Variants in CHST11 observed in about 807,000 individuals in gnomAD.
CHST11 encodes the protein carbohydrate sulfotransferase 11.
In CHST11, 9 loss-of-function variants were observed where a neutral mutation model predicts 30.4. The observed-to-expected ratio is 0.30, with a 90% CI of 0.18 to 0.52. CHST11 has a LOEUF of 0.52. CHST11 is among the 20% of genes least tolerant of loss of function. The pLI, the probability that CHST11 is intolerant of heterozygous loss-of-function variation, is 0.97. For missense variants in CHST11, 348 were observed against 460.6 expected, an observed-to-expected ratio of 0.76 and a Z score of 2.24; for synonymous variants, 152 against 187.8, an observed-to-expected ratio of 0.81 and a Z score of 1.56.
chr12:104,757,829 A>G lies in CHST11; in HGVS notation c.*26A>G, dbSNP rs1303343515. 21 of 1,562,486 alleles carry G rather than the reference A, an allele frequency of 1.3e-5. No individual in the cohort carries two copies. Among genetic ancestry groups the G allele is most frequent in the Non-Finnish European group, 1.5e-5 (17 of 1,156,320 alleles). ...AGGGGGTGGGGAGAGGGAGAGAATC[A>G]TGCTTTTTAATTTAAGATTTTTATT... On this transcript the variant is annotated 3_prime_UTR_variant, in exon 3 of 3. Transcript: ENST00000303694. The surrounding 1 kb of genome is among the most constrained non-coding windows in gnomAD (Gnocchi z 6.5).
chr12:104,738,308 G>T (rs535635599), intron 2 of CHST11, among the ~76,000 whole-genome samples: 1 of 152,174 alleles, frequency 6.6e-6, no homozygotes, highest in East Asian at 1.9e-4. Flanking sequence ...TCGCCTCAAG[G>T]CTGCACTCCC....
At chr12:104,744,163 T>C (rs181081836) in intron 2 of CHST11, among the ~76,000 whole-genome samples, 7 of 152,354 alleles carry the variant, frequency 4.6e-5, no homozygotes, top group Admixed American at 4.6e-4. Context: ...TGTCTTTAGG[T>C]CTTTGAGGAA....
chr12:104,509,152 G>A (rs1264154659), intron 1 of CHST11, among the ~76,000 whole-genome samples: 1 of 152,184 alleles, frequency 6.6e-6, no homozygotes, highest in African/African-American at 2.4e-5. Context: ...GGTCTTTCCT[G>A]TGCTGTTCTT....
chr12:104,523,788 TA>T (rs1405928633), intron 1 of CHST11, among the ~76,000 whole-genome samples: 2 of 152,240 alleles, frequency 1.3e-5, no homozygotes, highest in Non-Finnish European at 2.9e-5. Flanking sequence ...CTCTCTGTGT[TA>T]AACATGGAAA....
chr12:104,514,418 C>A, intron 1 of CHST11: 1 of 914,048 alleles, frequency 1.1e-6, no homozygotes, highest in Admixed American at 1.7e-5. Flanking sequence ...TGGTTGCCTT[C>A]CTCATCCTCT....
At chr12:104,754,769 A>G (rs2040461214) in intron 2 of CHST11, among the ~76,000 whole-genome samples, 1 of 152,194 alleles carries the variant, frequency 6.6e-6, no homozygotes, top group African/African-American at 2.4e-5. Flanking sequence ...GCAGTGAGAG[A>G]ATCACCATAC....
rs536046841 is a variant in CHST11, at chr12:104,580,239, A to G, written c.119-21667A>G. Among the ~76,000 whole-genome samples the G allele has an allele frequency of 1.5e-3, 235 of 152,266 alleles. 1 individual carries two copies. The highest frequency in any genetic ancestry group is 5.5e-3 in the African/African-American group (228 of 41,560). ...AAGGAAGATTTCAGGCTTGAGCTGG[A>G]GTACGAAAGGAAATTGAAACTAAAG... is the stretch of plus-strand genomic sequence containing the variant. On this transcript the variant is annotated intron_variant, in intron 1 of 2. Coordinates refer to ENST00000303694, the MANE Select transcript of CHST11 (RefSeq NM_018413.6).
At chr12:104,596,565 T>C (rs2038908630) in intron 1 of CHST11, among the ~76,000 whole-genome samples, 1 of 105,104 alleles carries the variant, frequency 9.5e-6, no homozygotes, top group Non-Finnish European at 1.9e-5. Context: ...CAGACGTGGG[T>C]TGTCAATTTG....
chr12:104,680,630 C>T (rs1592835425), intron 2 of CHST11, among the ~76,000 whole-genome samples: 2 of 152,352 alleles, frequency 1.3e-5, no homozygotes, highest in East Asian at 1.9e-4. Flanking sequence ...AGCTCCTGCA[C>T]CTGCTCCATG....
At chr12:104,588,798 C>T (rs2038830114) in intron 1 of CHST11, 1 of 152,350 alleles carries the variant, frequency 6.6e-6, no homozygotes, top group African/African-American at 2.4e-5. Context: ...GGGTGTTGCT[C>T]CACGTCCCAG....
chr12:104,592,619 C>T (rs1023136159), intron 1 of CHST11, among the ~76,000 whole-genome samples: 1 of 152,198 alleles, frequency 6.6e-6, no homozygotes, highest in Non-Finnish European at 1.5e-5. Context: ...GATTATAGCA[C>T]TTTGCGTCCT....
intron 2 of CHST11, among the ~76,000 whole-genome samples, chr12:104,685,022 T>G (rs1383399078): frequency 1.3e-5 from 2 of 152,390 alleles, no homozygotes; most frequent in African/African-American, 2.4e-5. Context: ...TTGGCATTCC[T>G]CCAACAAACT....
At chr12:104,612,073 T>G (rs928205754) in intron 2 of CHST11, among the ~76,000 whole-genome samples, 17 of 152,368 alleles carry the variant, frequency 1.1e-4, no homozygotes, top group African/African-American at 4.1e-4. Flanking sequence ...TTCTGTAGTG[T>G]GCGGCACGCA....
intron 2 of CHST11, 74 bp downstream of exon 2, chr12:104,602,065 G>A (rs1374898172): frequency 1.8e-6 from 2 of 1,113,330 alleles, no homozygotes; most frequent in East Asian, 2.4e-5. Context: ...CTCTAAAATT[G>A]TGGTCTTTGG....
At chr12:104,496,548 A>G (rs1429918044) in intron 1 of CHST11, among the ~76,000 whole-genome samples, 1 of 152,220 alleles carries the variant, frequency 6.6e-6, no homozygotes, top group Non-Finnish European at 1.5e-5. Context: ...TGGGGGACCA[A>G]TTCCACACTC....
At chr12:104,665,597 C>A (rs573320709) in intron 2 of CHST11, among the ~76,000 whole-genome samples, 62 of 152,108 alleles carry the variant, frequency 4.1e-4, no homozygotes, top group African/African-American at 1.3e-3. Context: ...AAGTGCTTTG[C>A]ACAGCATCGG....
chr12:104,519,071 G>GGTGTGTGT (rs10628757), intron 1 of CHST11, among the ~76,000 whole-genome samples: 3,700 of 139,592 alleles, frequency 0.027, 128 homozygotes, highest in African/African-American at 0.072. Flanking sequence ...GGACTCTTGA[G>GGTGTGTGT]GTGTGTGTGT....
Position 104,702,667 on chromosome 12 carries a change from C to G in CHST11, c.205-54282C>G, listed in dbSNP as rs567633032. 1.8e-4 allele frequency among the ~76,000 whole-genome samples: 27 copies of G among 152,278 alleles called. 1 individual carries two copies. In the South Asian group the frequency reaches 5.6e-3, roughly 32 times the overall value. The stretch of plus-strand genomic sequence containing the variant: ...ACTCCCCCGCACTGGGGCAAATCAT[C>G]TCTCCCTCCCCATTCTCTCAGCTCC... On this transcript the variant is annotated intron_variant, in intron 2 of 2. Coordinates refer to ENST00000303694, the MANE Select transcript of CHST11 (RefSeq NM_018413.6).
intron 2 of CHST11, among the ~76,000 whole-genome samples, chr12:104,687,768 C>T (rs376502878): frequency 5.9e-5 from 9 of 151,918 alleles, no homozygotes; most frequent in East Asian, 2.0e-4. Flanking sequence ...TTTCAAACAG[C>T]GGCCCCCGCC....
Sources: allele counts gnomAD v4.1 joint callset (sites outside exome capture counted in the v4.1 genomes callset), GRCh38; gene constraint gnomAD v4.1.1; non-coding constraint Gnocchi (gnomAD v3.1); transcripts MANE v1.5; gene names NCBI Gene and HGNC (gene_info 2026-07-23, HGNC 2026-07-21).